DHX35: variants seen among roughly 807,000 people sequenced by gnomAD.
The protein encoded by DHX35 is DEAH-box helicase 35.
In DHX35, 84 loss-of-function variants were observed where a neutral mutation model predicts 99.6. The observed-to-expected ratio is 0.84, with a 90% CI of 0.71 to 1.01. The LOEUF (loss-of-function observed/expected upper bound fraction) is 1.01. DHX35 is among the 50% of genes least tolerant of loss of function. The pLI is 0.00. For missense variants in DHX35, 852 were observed against 888.5 expected, an observed-to-expected ratio of 0.96 and a Z score of 0.52; for synonymous variants, 331 against 316.2, an observed-to-expected ratio of 1.05 and a Z score of -0.50.
At chr20:39,021,810 G>T in intron 15 of DHX35, 31 bp from the exon 16 acceptor site, 2 of 1,607,506 alleles carry the variant, frequency 1.2e-6, no homozygotes, top group Non-Finnish European at 1.7e-6. Context: ...ACATTATATG[G>T]TTGAAACCAA....
At chr20:39,030,671 T>C (rs972914940) in intron 19 of DHX35, 33 bp from the exon 20 acceptor site, 1 of 1,601,472 alleles carries the variant, frequency 6.2e-7, no homozygotes, top group African/African-American at 1.3e-5. Context: ...GTATTTAAAA[T>C]GTGCTTCAGA....
At chr20:39,037,904 G>A (rs1384411434) in intron 21 of DHX35, among the ~76,000 whole-genome samples, 2 of 150,096 alleles carry the variant, frequency 1.3e-5, no homozygotes, top group Non-Finnish European at 2.9e-5. Context: ...ATTCATAATG[G>A]TAGAAAGTGA....
rs552911985 is a variant in DHX35, at chr20:39,030,918, T to C, written c.1955+143T>C. ...TGGCTCACGCCTGTAATCCCAGCAC[T>C]TTGGGAGGCCAATGTAGGCAGGTCA... On this transcript the variant is annotated intron_variant, in intron 20 of 21. Transcript: ENST00000252011. The C allele has an allele frequency of 5.1e-4, 434 of 850,948 alleles. No individual in the cohort carries two copies. The African/African-American group carries it at 6.8e-3, about 13-fold the overall frequency. The allele number at this position is 850,948 out of a possible 1,614,324, so 52.7% of individuals were successfully genotyped here. A position where few individuals can be genotyped will look rare whatever the true frequency, so the allele number is the denominator to read the frequency against.
chr20:39,034,964 T>C (rs1056814503), intron 21 of DHX35, among the ~76,000 whole-genome samples: 22 of 152,166 alleles, frequency 1.4e-4, no homozygotes, highest in African/African-American at 5.3e-4. Context: ...TTCACTATGT[T>C]GCCCAGGCTA....
At chr20:38,980,713 C>CCTTATA (rs1273208522) in intron 3 of DHX35, among the ~76,000 whole-genome samples, 1 of 151,954 alleles carries the variant, frequency 6.6e-6, no homozygotes, top group Non-Finnish European at 1.5e-5. Flanking sequence ...TACAGAATTC[C>CCTTATA]CTTATACTCT....
intron 1 of DHX35, among the ~76,000 whole-genome samples, chr20:38,963,724 A>G (rs1184908785): frequency 6.6e-6 from 1 of 152,252 alleles, no homozygotes; most frequent in Non-Finnish European, 1.5e-5. Flanking sequence ...TAGTTCATCC[A>G]TTGAGGGTAC....
intron 21 of DHX35, among the ~76,000 whole-genome samples, chr20:39,037,786 A>G (rs566812721): frequency 6.6e-6 from 1 of 152,342 alleles, no homozygotes; most frequent in South Asian, 2.1e-4. Context: ...CCTCAAAGGC[A>G]TATTTAAGGA....
intron 20 of DHX35, among the ~76,000 whole-genome samples, chr20:39,031,370 G>C (rs67579911): frequency 0.2 from 28,788 of 141,686 alleles, 2,943 homozygotes; most frequent in Middle Eastern, 0.38. Context: ...GTTTCGCTCT[G>C]TCGCCCAGGC....
chr20:39,001,872 G>A, intron 9 of DHX35, 30 bp downstream of exon 9: 2 of 1,542,182 alleles, frequency 1.3e-6, no homozygotes, highest in Non-Finnish European at 1.8e-6. Flanking sequence ...CTGGATGATG[G>A]TGTTTAGAAA....
intron 7 of DHX35, among the ~76,000 whole-genome samples, chr20:38,993,381 C>T (rs1010542161): frequency 1.9e-4 from 29 of 151,600 alleles, no homozygotes; most frequent in Non-Finnish European, 2.5e-4. Context: ...TTTTTTGAGA[C>T]GGAGTTTTGC....
chr20:38,989,265 GTTTTTTTTT>G (rs59991063), intron 5 of DHX35, among the ~76,000 whole-genome samples: 1 of 111,880 alleles, frequency 8.9e-6, no homozygotes, highest in Non-Finnish European at 1.8e-5. Context: ...ACCCGGCTAA[GTTTTTTTTT>G]TTTTTTTTTT....
chr20:38,974,310 C>CT (rs1184462255), intron 3 of DHX35, among the ~76,000 whole-genome samples: 1 of 152,088 alleles, frequency 6.6e-6, no homozygotes, highest in Non-Finnish European at 1.5e-5. Flanking sequence ...GTGGGATAAT[C>CT]TGGTGAGGAT....
Position 39,025,355 on chromosome 20 carries a change from T to A in DHX35, c.1797T>A (p.Ser599Arg). ...AGTTTCAAGTGCCCAGGAAGTCTAGTGAAGGTGAGAAGAAACCGTCCCAGC... is the reference window on the plus strand; with the variant it reads ...AGTTTCAAGTGCCCAGGAAGTCTAGAGAAGGTGAGAAGAAACCGTCCCAGC... ...LVKFQVPRKS[S>R]EGDPDLVLRC... Residue 599 changes from serine to arginine, a missense_variant, in exon 18 of 22, where the codon AGT becomes AGA. Physicochemically the swap from Ser to Arg is moderately radical, Grantham distance 110. Transcript: ENST00000252011. 1 of 1,613,334 alleles carries A rather than the reference T, an allele frequency of 6.2e-7. No individual in the cohort carries two copies. The highest frequency in any genetic ancestry group is 1.1e-5 in the South Asian group (1 of 90,958).
At chr20:39,028,294 A>T in intron 18 of DHX35, 124 bp from the exon 19 acceptor site, 2 of 895,574 alleles carry the variant, frequency 2.2e-6, no homozygotes, top group South Asian at 2.8e-5. Flanking sequence ...CCATTTCAGG[A>T]GAGGGTTTCC....
intron 2 of DHX35, 96 bp from the exon 3 acceptor site, chr20:38,972,463 C>A: frequency 1.3e-6 from 1 of 778,270 alleles, no homozygotes; most frequent in Non-Finnish European, 2.1e-6. Flanking sequence ...ATTCACTTTC[C>A]TTTGAAAACA....
intron 3 of DHX35, chr20:38,978,221 C>T (rs1168122013): frequency 6.1e-6 from 6 of 987,698 alleles, no homozygotes; most frequent in South Asian, 2.5e-5. Context: ...GGACTGCCTT[C>T]GTAATTCATT....
At chr20:39,007,142 G>A (rs2086631765) in intron 12 of DHX35, among the ~76,000 whole-genome samples, 1 of 152,172 alleles carries the variant, frequency 6.6e-6, no homozygotes, top group African/African-American at 2.4e-5. Context: ...TGGTGTGGCT[G>A]CCCCTAAAGA....
intron 3 of DHX35, among the ~76,000 whole-genome samples, chr20:38,981,550 C>T (rs897543053): frequency 2.0e-5 from 3 of 151,964 alleles, no homozygotes; most frequent in Admixed American, 1.3e-4. Context: ...TTTTTTTGAC[C>T]GCTTCCTTAC....
chr20:38,983,245 T>A (rs965671155), intron 3 of DHX35, among the ~76,000 whole-genome samples: 1 of 152,236 alleles, frequency 6.6e-6, no homozygotes, highest in Non-Finnish European at 1.5e-5. Flanking sequence ...TGTGTACTAA[T>A]CTAATGGTGT....
Sources: gnomAD v4.1 joint callset for allele counts (sites outside exome capture counted in the v4.1 genomes callset) on GRCh38, gnomAD v4.1.1 for gene constraint, MANE v1.5 for transcripts, NCBI Gene and HGNC (gene_info 2026-07-23, HGNC 2026-07-21) for gene names.